Variants in SLC12A8 observed in about 807,000 individuals in gnomAD.
SLC12A8 encodes solute carrier family 12 member 8, also known as cation-chloride cotransporter 9.
Under a neutral mutation model 75.6 loss-of-function variants are expected in SLC12A8, and 69 were observed. That is an observed-to-expected ratio of 0.91 (90% CI 0.75 to 1.11). SLC12A8 has a LOEUF of 1.11. Among genes scored for constraint, SLC12A8 ranks in the 50% most tolerant of loss-of-function variants. The pLI, the probability that SLC12A8 is intolerant of heterozygous loss-of-function variation, is 0.00. For synonymous variants in SLC12A8, 365 were observed against 372.8 expected, an observed-to-expected ratio of 0.98 and a Z score of 0.24; for missense variants, 877 against 896.7, an observed-to-expected ratio of 0.98 and a Z score of 0.28.
At chr3:125,084,189 T>A in intron 13 of SLC12A8, 137 bp from the exon 14 acceptor site, 1 of 686,740 alleles carries the variant, frequency 1.5e-6, no homozygotes, top group Non-Finnish European at 2.4e-6. Flanking sequence ...TCTTGAAAGG[T>A]ATATGTACAG....
At chr3:125,207,095 A>C (rs1037069828) in intron 2 of SLC12A8, among the ~76,000 whole-genome samples, 2 of 152,176 alleles carry the variant, frequency 1.3e-5, no homozygotes, top group Admixed American at 1.3e-4. Flanking sequence ...AAGACGGAGC[A>C]GAGTCAGAAC....
At chr3:125,154,330 T>G (rs913176614) in intron 5 of SLC12A8, among the ~76,000 whole-genome samples, 20 of 152,174 alleles carry the variant, frequency 1.3e-4, no homozygotes, top group Non-Finnish European at 1.5e-5. Context: ...AATGTGAGCT[T>G]GATGGTTAAG....
intron 5 of SLC12A8, chr3:125,155,025 A>G (rs1934016856): frequency 6.6e-6 from 1 of 152,342 alleles, no homozygotes; most frequent in Non-Finnish European, 1.5e-5. Flanking sequence ...CACTGGACAA[A>G]GCAGGGTTCA....
At chr3:125,115,618 C>T (rs11712324) in intron 8 of SLC12A8, among the ~76,000 whole-genome samples, 2,994 of 152,044 alleles carry the variant, frequency 0.02, 40 homozygotes, top group Non-Finnish European at 0.029. Flanking sequence ...AGAGAAGCTG[C>T]AGGAAACCCA....
intron 6 of SLC12A8, among the ~76,000 whole-genome samples, chr3:125,128,183 A>T (rs702044): frequency 0.89 from 113,372 of 127,304 alleles, 50,228 homozygotes; most frequent in Non-Finnish European, 0.97. Flanking sequence ...GCTTATTTTT[A>T]TTTTTTTTTT....
At chr3:125,123,912 A>T (rs1933126752) in intron 6 of SLC12A8, among the ~76,000 whole-genome samples, 1 of 152,206 alleles carries the variant, frequency 6.6e-6, no homozygotes, top group Non-Finnish European at 1.5e-5. Context: ...AAGTTAACCC[A>T]TGAAGACCCC....
chr3:125,141,765 C>T, intron 5 of SLC12A8, among the ~76,000 whole-genome samples: 1 of 152,094 alleles, frequency 6.6e-6, no homozygotes, highest in East Asian at 1.9e-4. Context: ...CCTGGACCAG[C>T]GACCGACGAC....
At chr3:125,117,206 C>A (rs1939334596) in intron 8 of SLC12A8, among the ~76,000 whole-genome samples, 1 of 152,108 alleles carries the variant, frequency 6.6e-6, no homozygotes, top group South Asian at 2.1e-4. Flanking sequence ...AAAGAAAATT[C>A]AGAGTTTCCT....
At chr3:125,163,695 CT>C (rs978958644) in intron 5 of SLC12A8, among the ~76,000 whole-genome samples, 5 of 152,326 alleles carry the variant, frequency 3.3e-5, no homozygotes, top group Middle Eastern at 3.4e-3. Flanking sequence ...TCTGCTGCCT[CT>C]TTAGGGGCCC....
chr3:125,089,336 T>C (rs1266222482), intron 12 of SLC12A8, among the ~76,000 whole-genome samples: 2 of 152,204 alleles, frequency 1.3e-5, no homozygotes, highest in Admixed American at 6.5e-5. Context: ...ACATATTTTA[T>C]TAACTCACCC....
chr3:125,163,701 G>T (rs1934224609), intron 5 of SLC12A8, among the ~76,000 whole-genome samples: 1 of 152,164 alleles, frequency 6.6e-6, no homozygotes, highest in African/African-American at 2.4e-5. Context: ...GCCTCTTTAG[G>T]GGCCCTGTGA....
In SLC12A8 at chr3:125,092,114, A is replaced by T. The variant is rs1371514720; in HGVS notation, c.1790T>A (p.Val597Asp). Residue 597 changes from valine (V) to aspartate (D), a missense_variant, in exon 11 of 14, where the codon GTC (valine) becomes GAC (aspartate). Transcript: ENST00000469902. Reference protein sequence around the residue: ...SFYTHMCNPWVSLLGAVGSLL... With the variant: ...SFYTHMCNPWDSLLGAVGSLL... ...GAAGTTACTCACCCCCAACAGGGAG[A>T]CCCAGGGGTTGCACATGTGGGTATA... 1 of 1,611,466 alleles carries T rather than the reference A, an allele frequency of 6.2e-7. No homozygotes were observed. Among genetic ancestry groups the T allele is most frequent in the Non-Finnish European group, 8.5e-7 (1 of 1,178,050 alleles).
intron 5 of SLC12A8, among the ~76,000 whole-genome samples, chr3:125,169,784 G>A (rs980768282): frequency 6.6e-6 from 1 of 152,124 alleles, no homozygotes; most frequent in Admixed American, 6.5e-5. Context: ...TCACCCTACT[G>A]TGATGCCCAC....
At chr3:125,135,181 A>T (rs1228644711) in intron 6 of SLC12A8, among the ~76,000 whole-genome samples, 1 of 152,200 alleles carries the variant, frequency 6.6e-6, no homozygotes, top group Non-Finnish European at 1.5e-5. Context: ...TACAGCAAGA[A>T]AACAAAAGAC....
chr3:125,127,969 C>T (rs368883774), intron 6 of SLC12A8, among the ~76,000 whole-genome samples: 13 of 152,114 alleles, frequency 8.5e-5, no homozygotes, highest in Admixed American at 2.6e-4. Flanking sequence ...CTCCACCTCC[C>T]GGGCTCAAGT....
intron 2 of SLC12A8, among the ~76,000 whole-genome samples, chr3:125,203,376 G>T (rs1265531442): frequency 6.6e-6 from 1 of 152,058 alleles, no homozygotes; most frequent in Non-Finnish European, 1.5e-5. Flanking sequence ...GCATGATATT[G>T]GTATAGAAAC....
At chr3:125,200,703 A>G (rs1028432261) in intron 2 of SLC12A8, among the ~76,000 whole-genome samples, 1 of 152,202 alleles carries the variant, frequency 6.6e-6, no homozygotes, top group African/African-American at 2.4e-5. Flanking sequence ...ATCAATGTCT[A>G]CCTCAAAATT....
intron 6 of SLC12A8, among the ~76,000 whole-genome samples, chr3:125,133,983 T>C (rs1200634164): frequency 2.0e-5 from 3 of 152,262 alleles, no homozygotes; most frequent in East Asian, 3.8e-4. Context: ...TTGCATTTTC[T>C]AGAACTGCAT....
chr3:125,169,096 C>T (rs1201297638), intron 5 of SLC12A8, among the ~76,000 whole-genome samples: 2 of 152,136 alleles, frequency 1.3e-5, no homozygotes, highest in Admixed American at 6.5e-5. Flanking sequence ...TTCAAATGTG[C>T]CACATGTCAC....
Sources: gnomAD v4.1 joint callset for allele counts (sites outside exome capture counted in the v4.1 genomes callset) on GRCh38, gnomAD v4.1.1 for gene constraint, MANE v1.5 for transcripts, NCBI Gene and HGNC (gene_info 2026-07-23, HGNC 2026-07-21) for gene names.